MAP4K5: variants seen among roughly 807,000 people sequenced by gnomAD.
MAP4K5 encodes mitogen-activated protein kinase kinase kinase kinase 5, also known as MAPK/ERK kinase kinase kinase 5.
A neutral mutation model predicts 135.6 loss-of-function variants in MAP4K5; 82 were observed. That is an observed-to-expected ratio of 0.60 (90% confidence interval 0.51 to 0.73). The LOEUF (loss-of-function observed/expected upper bound fraction) is 0.73. MAP4K5 is among the 30% of genes least tolerant of loss of function. The pLI is 0.00. For synonymous variants in MAP4K5, 347 were observed against 335.0 expected (o/e 1.04, Z -0.39); for missense variants, 907 against 1,010.9 (o/e 0.90, Z 1.39).
intron 2 of MAP4K5, among the ~76,000 whole-genome samples, chr14:50,524,196 T>C (rs1191239876): frequency 3.3e-5 from 5 of 152,156 alleles, no homozygotes; most frequent in Non-Finnish European, 5.9e-5. Context: ...AATCACTCAG[T>C]CTTGATGAAA....
At chr14:50,483,131 AT>A (rs1370147631) in intron 5 of MAP4K5, 2 of 152,250 alleles carry the variant, frequency 1.3e-5, no homozygotes, top group African/African-American at 4.8e-5. Context: ...TATCCAATAT[AT>A]TAAAAGGCAT....
chr14:50,494,360 G>A (rs2037550455), intron 3 of MAP4K5, among the ~76,000 whole-genome samples: 1 of 151,824 alleles, frequency 6.6e-6, no homozygotes, highest in African/African-American at 2.4e-5. Flanking sequence ...GTAGAGACGG[G>A]TTTCACCATA....
In MAP4K5 at chr14:50,456,511, C is replaced by A; in HGVS notation, c.1015+5G>T. 1 of 1,559,474 alleles carries A rather than the reference C, an allele frequency of 6.4e-7. No individual in the cohort carries two copies. The highest frequency in any genetic ancestry group is 8.7e-7 in the Non-Finnish European group (1 of 1,147,632). On this transcript the variant is annotated splice_donor_5th_base_variant and intron_variant, in intron 14 of 32. Transcript: ENST00000682126. ...ACCAATGGAAAATGTAAACCAAACACATACAATTTATTTCTGAAGCTGTCC... is the reference window on the plus strand; with the variant it reads ...ACCAATGGAAAATGTAAACCAAACAAATACAATTTATTTCTGAAGCTGTCC...
At position 50,482,432 on chromosome 14, in the gene MAP4K5, G is replaced by A. The variant is rs1156603779; in HGVS notation, c.323-16C>T. 1.3e-6 allele frequency: 2 copies of A among 1,497,018 alleles called. No individual in the cohort carries two copies. Among genetic ancestry groups the A allele is most frequent in the South Asian group, 1.3e-5 (1 of 77,280 alleles). The allele number at this position is 1,497,018 out of a possible 1,614,324, so 92.7% of individuals were successfully genotyped here. Reference sequence around the variant, plus strand: ...GGTCCAGTAACTAGAAAGAAAAAGAGACCACATTGTTATACATTTAAACCT... The same window carrying A: ...GGTCCAGTAACTAGAAAGAAAAAGAAACCACATTGTTATACATTTAAACCT... On this transcript the variant is annotated splice_polypyrimidine_tract_variant and intron_variant, in intron 5 of 32. Coordinates refer to ENST00000682126, the MANE Select transcript of MAP4K5 (RefSeq NM_006575.6).
intron 2 of MAP4K5, among the ~76,000 whole-genome samples, chr14:50,518,719 T>C (rs563423626): frequency 6.6e-6 from 1 of 152,224 alleles, no homozygotes; most frequent in South Asian, 2.1e-4. Flanking sequence ...AGGATACTCA[T>C]CTGTCTCTGA....
chr14:50,456,675 G>C (rs904071079), intron 13 of MAP4K5, 81 bp from the exon 14 acceptor site: 4 of 816,768 alleles, frequency 4.9e-6, no homozygotes, highest in African/African-American at 1.8e-5. Context: ...ATCATTTATT[G>C]ATAAATATGA....
intron 1 of MAP4K5, chr14:50,560,537 C>T (rs2038826220): frequency 1.8e-6 from 1 of 569,482 alleles, no homozygotes; most frequent in Non-Finnish European, 3.1e-6. Context: ...GGGCCTCCAG[C>T]TCCTTCTTCC....
intron 1 of MAP4K5, among the ~76,000 whole-genome samples, chr14:50,560,845 GC>G (rs2038834324): frequency 6.6e-6 from 1 of 152,220 alleles, no homozygotes; most frequent in African/African-American, 2.4e-5. Context: ...ACGGACGGTA[GC>G]AGACCGAGCA....
intron 13 of MAP4K5, among the ~76,000 whole-genome samples, chr14:50,461,719 G>C (rs1264062777): frequency 6.6e-6 from 1 of 152,064 alleles, no homozygotes; most frequent in Non-Finnish European, 1.5e-5. Context: ...AAGAGATCAA[G>C]ACAATCCTGG....
intron 31 of MAP4K5, among the ~76,000 whole-genome samples, chr14:50,423,683 C>T (rs776175125): frequency 6.6e-6 from 1 of 152,112 alleles, no homozygotes; most frequent in Non-Finnish European, 1.5e-5. Context: ...GTAGGAGGAT[C>T]GCTTGAGCCC....
chr14:50,456,267 C>T (rs1381099908), intron 14 of MAP4K5: 1 of 460,556 alleles, frequency 2.2e-6, no homozygotes, highest in African/African-American at 2.0e-5. Context: ...TGTTAATTTT[C>T]TCTTTTTTTT....
At chr14:50,496,182 C>T (rs150988204) in intron 3 of MAP4K5, among the ~76,000 whole-genome samples, 70 of 151,686 alleles carry the variant, frequency 4.6e-4, no homozygotes, top group African/African-American at 1.6e-3. Flanking sequence ...AAAAATTAGT[C>T]GGGTGTCGTG....
At chr14:50,477,509 T>C (rs2037127936) in intron 6 of MAP4K5, among the ~76,000 whole-genome samples, 2 of 152,200 alleles carry the variant, frequency 1.3e-5, no homozygotes, top group Non-Finnish European at 2.9e-5. Context: ...AGGACAATGT[T>C]GAAAAGTAGT....
intron 3 of MAP4K5, among the ~76,000 whole-genome samples, chr14:50,498,334 T>C (rs1245464971): frequency 6.6e-6 from 1 of 152,226 alleles, no homozygotes; most frequent in African/African-American, 2.4e-5. Context: ...ATTTGTAAGG[T>C]GGTGACTTTA....
chr14:50,488,086 A>G (rs1202985438), intron 3 of MAP4K5, among the ~76,000 whole-genome samples: 2 of 152,154 alleles, frequency 1.3e-5, no homozygotes. Flanking sequence ...AAAGAGGTTT[A>G]ATTGACTTAC....
intron 3 of MAP4K5, among the ~76,000 whole-genome samples, chr14:50,496,479 T>C (rs528997690): frequency 6.6e-5 from 10 of 152,164 alleles, no homozygotes; most frequent in African/African-American, 9.6e-5. Flanking sequence ...AATATATATA[T>C]ACACACACAC....
chr14:50,464,051 C>T lies in MAP4K5; in HGVS notation c.819+1G>A. On this transcript the variant is annotated splice_donor_variant, in intron 12 of 32. Transcript: ENST00000682126. LOFTEE classifies it high-confidence loss of function. ...GACCCCTCGTAATTTCAATGACTTA[C>T]AGTCAGAAGTCTTTCAGCAGTTGGT... is the stretch of plus-strand genomic sequence containing the variant. 6.6e-7 allele frequency: 1 copy of T among 1,519,012 alleles called. No homozygotes were observed. The allele number at this position is 1,519,012 out of a possible 1,614,324, so 94.1% of individuals were successfully genotyped here. A position where few individuals can be genotyped will look rare whatever the true frequency, so the allele number is the denominator to read the frequency against.
intron 1 of MAP4K5, among the ~76,000 whole-genome samples, chr14:50,549,630 T>C (rs1938922890): frequency 6.6e-6 from 1 of 152,160 alleles, no homozygotes; most frequent in Non-Finnish European, 1.5e-5. Context: ...GTTTCATATA[T>C]GGCATGCTAC....
chr14:50,560,118 T>C (rs199585031), intron 1 of MAP4K5: 1 of 904,922 alleles, frequency 1.1e-6, no homozygotes, highest in South Asian at 1.5e-5. Context: ...CCCCACTCCT[T>C]CCCACCAGCG....
Sources: gnomAD v4.1 joint callset for allele counts (sites outside exome capture counted in the v4.1 genomes callset) on GRCh38, gnomAD v4.1.1 for gene constraint, MANE v1.5 for transcripts, NCBI Gene and HGNC (gene_info 2026-07-23, HGNC 2026-07-21) for gene names.